Variants in LAMA3 observed in about 807,000 individuals in gnomAD.
The protein encoded by LAMA3 is laminin subunit alpha 3, also known as laminin subunit alpha-3.
LAMA3 carries 281 observed loss-of-function variants against 402.0 expected under a neutral mutation model. That is an observed-to-expected ratio of 0.70 (90% confidence interval 0.63 to 0.77). The LOEUF (loss-of-function observed/expected upper bound fraction) is 0.77. LAMA3 is among the 30% of genes least tolerant of loss of function. The probability of loss-of-function intolerance (pLI) is 0.00; values close to 1 mark genes in which losing one functional copy is unlikely to be tolerated. For synonymous variants in LAMA3, 1,431 were observed against 1,558.4 expected (o/e 0.92, Z 1.93); for missense variants, 3,840 against 4,215.5 (o/e 0.91, Z 2.47).
chr18:23,852,055 C>CCAGT (rs2063957998), intron 32 of LAMA3, among the ~76,000 whole-genome samples: 1 of 152,196 alleles, frequency 6.6e-6, no homozygotes, highest in Non-Finnish European at 1.5e-5. Context: ...TTCCCTACAG[C>CCAGT]CAGTCAGGTG....
chr18:23,772,498 C>T (rs2062223134), intron 8 of LAMA3, among the ~76,000 whole-genome samples: 1 of 152,214 alleles, frequency 6.6e-6, no homozygotes. Context: ...TGGGCCACAG[C>T]TGTTTCTGAT....
intron 24 of LAMA3, chr18:23,834,641 C>G (rs991855266): frequency 6.4e-6 from 1 of 155,380 alleles, no homozygotes; most frequent in Non-Finnish European, 1.4e-5. Flanking sequence ...TAATTGTATA[C>G]TAAATGGGAC....
At chr18:23,898,512 TATCTC>T (rs2080955125) in intron 44 of LAMA3, 1 of 571,548 alleles carries the variant, frequency 1.7e-6, no homozygotes. Context: ...AAGTAGCTCT[TATCTC>T]TTCACATTTG....
rs1555696013 is a variant in LAMA3, at chr18:23,795,734, T to TTA, written c.1603+11577_1603+11578insTA. Among the ~76,000 whole-genome samples the TTA allele has an allele frequency of 1.8e-4, 28 of 151,924 alleles. No individual in the cohort carries two copies. In the East Asian group the frequency reaches 2.5e-3, roughly 14 times the overall value. The stretch of plus-strand genomic sequence containing the variant: ...GGGCTTAAAATATATATATTTTTTT[T>TTA]AATCTATAAACTCTGCTATCTTGTA... On this transcript the variant is annotated intron_variant, in intron 12 of 74. Transcript: ENST00000313654.
At chr18:23,861,318 G>T (rs1232187849) in intron 34 of LAMA3, among the ~76,000 whole-genome samples, 1 of 152,090 alleles carries the variant, frequency 6.6e-6, no homozygotes. Flanking sequence ...CATTAAATGC[G>T]CCATGGTCCT....
intron 32 of LAMA3, among the ~76,000 whole-genome samples, chr18:23,855,227 T>C (rs919716883): frequency 5.9e-5 from 9 of 152,340 alleles, no homozygotes; most frequent in African/African-American, 2.2e-4. Flanking sequence ...CGTTCAGACC[T>C]TGGGATGCCA....
At chr18:23,887,379 C>G (rs2065107411) in intron 41 of LAMA3, among the ~76,000 whole-genome samples, 1 of 152,080 alleles carries the variant, frequency 6.6e-6, no homozygotes, top group South Asian at 2.1e-4. Flanking sequence ...GAGAGGCGTC[C>G]TAATTTCATC....
At position 23,921,027 on chromosome 18, in the gene LAMA3, C is replaced by A; in HGVS notation, c.8016C>A (p.Asp2672Glu). ...SELPKERGVG[D>E]AINNGRDHSI... is the part of the protein sequence containing the mutation. The stretch of plus-strand genomic sequence containing the variant: ...TACCAAAAGAGAGAGGAGTTGGAGA[C>A]GCCATAAACAACGGCAGAGACCATT... The change falls in exon 61 of 75, where the codon GAC becomes GAA. Residue 2672 changes from aspartate (D) to glutamate (E), a missense_variant. Coordinates refer to ENST00000313654, the MANE Select transcript of LAMA3 (RefSeq NM_198129.4). The A allele has an allele frequency of 2.5e-6, 4 of 1,614,010 alleles. No individual in the cohort carries two copies. Among genetic ancestry groups the A allele is most frequent in the Non-Finnish European group, 3.4e-6 (4 of 1,179,948 alleles).
chr18:23,746,648 G>A (rs1449437389), intron 2 of LAMA3, among the ~76,000 whole-genome samples: 3 of 152,024 alleles, frequency 2.0e-5, no homozygotes, highest in Admixed American at 6.6e-5. Context: ...CATGTAAAAT[G>A]TTTGTTATAT....
chr18:23,894,976 A>G lies in LAMA3; in HGVS notation c.5531A>G (p.Lys1844Arg). The G allele has an allele frequency of 6.2e-7, 1 of 1,614,086 alleles. No homozygotes were observed. The highest frequency in any genetic ancestry group is 1.1e-5 in the South Asian group (1 of 91,056). ...ATGGGCGAGCAGCTCCGCCTGGTCAAGTCTCAGCTGCAGGGCCTGAGTGCC... is the reference window on the plus strand; with the variant it reads ...ATGGGCGAGCAGCTCCGCCTGGTCAGGTCTCAGCTGCAGGGCCTGAGTGCC... ...ATMGEQLRLV[K>R]SQLQGLSASA... is the part of the protein sequence containing the mutation. Residue 1844 changes from lysine (K) to arginine (R), a missense_variant, in exon 44 of 75, where the codon AAG becomes AGG. Coordinates refer to ENST00000313654, the MANE Select transcript of LAMA3 (RefSeq NM_198129.4).
intron 32 of LAMA3, among the ~76,000 whole-genome samples, chr18:23,855,777 AC>A (rs1321680864): frequency 6.6e-6 from 1 of 152,134 alleles, no homozygotes; most frequent in Non-Finnish European, 1.5e-5. Context: ...TACACTCTAT[AC>A]CTACATTACT....
intron 12 of LAMA3, among the ~76,000 whole-genome samples, chr18:23,788,069 G>A (rs2062580610): frequency 6.6e-6 from 1 of 151,890 alleles, no homozygotes; most frequent in South Asian, 2.1e-4. Context: ...AAGCTGTATT[G>A]GAGTAAGAAA....
chr18:23,809,968 A>C (rs1418284244), intron 12 of LAMA3, among the ~76,000 whole-genome samples: 1 of 152,094 alleles, frequency 6.6e-6, no homozygotes, highest in Non-Finnish European at 1.5e-5. Flanking sequence ...TCCTCCTCCT[A>C]CAAATACTGG....
At chr18:23,820,385 T>A (rs180819195) in intron 19 of LAMA3, among the ~76,000 whole-genome samples, 1 of 152,352 alleles carries the variant, frequency 6.6e-6, no homozygotes, top group Non-Finnish European at 1.5e-5. Flanking sequence ...AAAAATGAGT[T>A]GGCTTAAGTA....
chr18:23,691,100 A>G (rs1236303256), intron 1 of LAMA3, among the ~76,000 whole-genome samples: 1 of 152,036 alleles, frequency 6.6e-6, no homozygotes, highest in Non-Finnish European at 1.5e-5. Flanking sequence ...GTTGAGGAAC[A>G]GGAAGTGGGA....
intron 7 of LAMA3, among the ~76,000 whole-genome samples, chr18:23,759,119 G>C (rs899778409): frequency 1.3e-5 from 2 of 151,704 alleles, no homozygotes; most frequent in African/African-American, 2.4e-5. Context: ...TGGGAGGATT[G>C]CTTGAGGCCA....
Position 23,756,246 on chromosome 18 carries a change from G to C in LAMA3, c.948-2150G>C, listed in dbSNP as rs556361688. ...ATATATGCCACGCCACCTTCCCTTA[G>C]AGTAGAGTTGATGGAATCCCTACAG... On this transcript the variant is annotated intron_variant, in intron 6 of 74. Coordinates refer to ENST00000313654, the MANE Select transcript of LAMA3 (RefSeq NM_198129.4). Among the ~76,000 whole-genome samples the C allele has an allele frequency of 1.6e-3, 243 of 152,158 alleles. 1 individual carries two copies. Among genetic ancestry groups the C allele is most frequent in the African/African-American group, 5.6e-3 (234 of 41,518 alleles).
chr18:23,785,322 A>G (rs1301298427), intron 12 of LAMA3, among the ~76,000 whole-genome samples: 1 of 152,210 alleles, frequency 6.6e-6, no homozygotes, highest in Non-Finnish European at 1.5e-5. Context: ...TAGAATAGGT[A>G]TTAGGTCATC....
At chr18:23,908,078 C>G (rs958559959) in intron 54 of LAMA3, 143 bp downstream of exon 54, 3 of 800,718 alleles carry the variant, frequency 3.7e-6, no homozygotes, top group Non-Finnish European at 6.4e-6. Flanking sequence ...AGGATATATT[C>G]AAAGCGTATA....
Sources: allele counts gnomAD v4.1 joint callset (sites outside exome capture counted in the v4.1 genomes callset), GRCh38; gene constraint gnomAD v4.1.1; transcripts MANE v1.5; gene names NCBI Gene and HGNC (gene_info 2026-07-23, HGNC 2026-07-21).